TIMP3: variants seen among roughly 807,000 people sequenced by gnomAD.
The protein encoded by TIMP3 is TIMP metallopeptidase inhibitor 3, also known as metalloproteinase inhibitor 3.
A neutral mutation model predicts 30.0 loss-of-function variants in TIMP3; 11 were observed. That is an observed-to-expected ratio of 0.37 (90% CI 0.23 to 0.61). The LOEUF (loss-of-function observed/expected upper bound fraction) is 0.61. Among genes scored for constraint, TIMP3 ranks in the 20% least tolerant of loss-of-function variants. The pLI is 0.70. For synonymous variants in TIMP3, 112 were observed against 111.3 expected (o/e 1.01, Z -0.04); for missense variants, 181 against 276.8 (o/e 0.65, Z 2.45).
chr22:32,826,763 A>G (rs543280471), intron 1 of TIMP3, among the ~76,000 whole-genome samples: 1 of 152,182 alleles, frequency 6.6e-6, no homozygotes, highest in Admixed American at 6.5e-5. Flanking sequence ...CAGGGCGTCC[A>G]CTATCCAGTC....
At chr22:32,807,307 A>T (rs3071342) in intron 1 of TIMP3, among the ~76,000 whole-genome samples, 2 of 119,760 alleles carry the variant, frequency 1.7e-5, no homozygotes, top group Admixed American at 1.1e-4. Context: ...TATATATATA[A>T]ATATATAATA....
chr22:32,852,190 G>A (rs974460507), intron 2 of TIMP3, among the ~76,000 whole-genome samples: 1 of 152,188 alleles, frequency 6.6e-6, no homozygotes, highest in African/African-American at 2.4e-5. Context: ...TCATATAACT[G>A]TTAAGATTAT....
At chr22:32,838,211 A>G (rs1389389051) in intron 1 of TIMP3, among the ~76,000 whole-genome samples, 1 of 152,234 alleles carries the variant, frequency 6.6e-6, no homozygotes, top group Non-Finnish European at 1.5e-5. Context: ...CTGAATAAAT[A>G]TCAGATGAGT....
rs115502738 is a variant in TIMP3, at chr22:32,812,501, T to C, written c.121+10379T>C. On this transcript the variant is annotated intron_variant, in intron 1 of 4. Transcript: ENST00000266085. ...TCACTTCAGGGCCTGTCACTGATTG[T>C]GGGAGGGCTTGGTAAAAATTGAACC... 6.3e-3 allele frequency among the ~76,000 whole-genome samples: 963 copies of C among 152,230 alleles called. 12 individuals carry two copies. The highest frequency in any genetic ancestry group is 0.02 in the African/African-American group (844 of 41,536).
intron 1 of TIMP3, among the ~76,000 whole-genome samples, chr22:32,818,978 T>G (rs115425347): frequency 6.8e-4 from 103 of 152,286 alleles, no homozygotes; most frequent in African/African-American, 2.3e-3. Flanking sequence ...ATTTCCTGCC[T>G]CCTCCTCCTC....
rs577079346 is a variant in TIMP3 at position 32,826,778 on chromosome 22, G to A, written c.122-22674G>A. 2.0e-5 allele frequency among the ~76,000 whole-genome samples: 3 copies of A among 152,290 alleles called. No individual in the cohort carries two copies. The East Asian group carries it at 5.8e-4, about 29-fold the overall frequency. On this transcript the variant is annotated intron_variant, in intron 1 of 4. Transcript: ENST00000266085. Reference sequence around the variant, plus strand: ...CAGGGCGTCCACTATCCAGTCCCAAGCCTGCCACTCAGGAGTTCATGGGGG... The same window carrying A: ...CAGGGCGTCCACTATCCAGTCCCAAACCTGCCACTCAGGAGTTCATGGGGG...
intron 1 of TIMP3, among the ~76,000 whole-genome samples, chr22:32,846,494 G>C (rs928968536): frequency 6.6e-6 from 1 of 152,192 alleles, no homozygotes; most frequent in Non-Finnish European, 1.5e-5. Context: ...AAACACATGA[G>C]GTTTGGGATG....
chr22:32,818,541 G>T (rs951384487), intron 1 of TIMP3, among the ~76,000 whole-genome samples: 1 of 152,144 alleles, frequency 6.6e-6, no homozygotes, highest in Non-Finnish European at 1.5e-5. Context: ...TCAGACTCTC[G>T]CTTTCAGAGT....
chr22:32,846,159 G>C (rs1369977154), intron 1 of TIMP3, among the ~76,000 whole-genome samples: 5 of 152,236 alleles, frequency 3.3e-5, no homozygotes, highest in Non-Finnish European at 7.3e-5. Context: ...AACCATGACT[G>C]TGATCTTGTT....
intron 1 of TIMP3, chr22:32,833,959 G>A: frequency 2.1e-6 from 1 of 481,792 alleles, no homozygotes; most frequent in Non-Finnish European, 4.2e-6. Context: ...GGGAAAGTGG[G>A]GAACTACCCA....
At chr22:32,820,250 G>T (rs2047200026) in intron 1 of TIMP3, among the ~76,000 whole-genome samples, 1 of 150,124 alleles carries the variant, frequency 6.7e-6, no homozygotes, top group South Asian at 2.2e-4. Context: ...CCCTGTGTGT[G>T]TGTGTGTGTG....
intron 1 of TIMP3, among the ~76,000 whole-genome samples, chr22:32,846,294 T>C (rs1252878269): frequency 1.3e-5 from 2 of 152,240 alleles, no homozygotes; most frequent in African/African-American, 4.8e-5. Context: ...ACTTCATCTG[T>C]GCTTCTCCAC....
At chr22:32,830,936 C>T (rs889288081) in intron 1 of TIMP3, among the ~76,000 whole-genome samples, 2 of 152,126 alleles carry the variant, frequency 1.3e-5, no homozygotes, top group Non-Finnish European at 2.9e-5. Context: ...TTTTGTTTAG[C>T]TTTTAAAAAA....
chr22:32,847,836 C>A (rs1410306363), intron 1 of TIMP3, among the ~76,000 whole-genome samples: 2 of 152,180 alleles, frequency 1.3e-5, no homozygotes, highest in Non-Finnish European at 2.9e-5. Flanking sequence ...ATTTGTAATT[C>A]AAAGTATGAC....
intron 1 of TIMP3, among the ~76,000 whole-genome samples, chr22:32,842,120 G>A (rs73158348): frequency 2.0e-5 from 3 of 152,092 alleles, no homozygotes; most frequent in African/African-American, 7.3e-5. Context: ...TATCTGCTGG[G>A]ATGGGAAGTG....
At chr22:32,856,287 C>T (rs370329481) in intron 2 of TIMP3, among the ~76,000 whole-genome samples, 33 of 152,046 alleles carry the variant, frequency 2.2e-4, no homozygotes, top group Middle Eastern at 3.4e-3. Context: ...CATGTGTAGC[C>T]GAAGGAGTGT....
chr22:32,850,586 T>C (rs547974472), intron 2 of TIMP3, among the ~76,000 whole-genome samples: 36 of 152,212 alleles, frequency 2.4e-4, no homozygotes, highest in African/African-American at 7.7e-4. Context: ...ACAGTTTCCA[T>C]CTTTAGGAAC....
chr22:32,825,152 G>C (rs1476973724), intron 1 of TIMP3, among the ~76,000 whole-genome samples: 1 of 152,110 alleles, frequency 6.6e-6, no homozygotes, highest in Non-Finnish European at 1.5e-5. Context: ...GGGAGGACTT[G>C]GGGGAGGGAT....
rs2046607202 is a variant in TIMP3 at position 32,802,202 on chromosome 22, C to T, written c.121+80C>T. On this transcript the variant is annotated intron_variant, in intron 1 of 4. Coordinates refer to ENST00000266085, the MANE Select transcript of TIMP3 (RefSeq NM_000362.5). ...CTGCTTAGGGAGGCAGGGCGAGCCC[C>T]ACTCCTTTCCTCTGCCCCAGGAGAG... The T allele has an allele frequency of 4.0e-6, 6 of 1,513,130 alleles. No homozygotes were observed. The South Asian group carries it at 7.4e-5, about 19-fold the overall frequency. 93.7% of individuals were successfully genotyped at this position (1,513,130 alleles called of 1,614,324 possible).
Sources: allele counts gnomAD v4.1 joint callset (sites outside exome capture counted in the v4.1 genomes callset), GRCh38; gene constraint gnomAD v4.1.1; transcripts MANE v1.5; gene names NCBI Gene and HGNC (gene_info 2026-07-23, HGNC 2026-07-21).